Variants in CTTNBP2 observed in about 807,000 individuals in gnomAD.
CTTNBP2 encodes cortactin binding protein 2, also known as cortactin-binding protein 2.
CTTNBP2 carries 108 observed loss-of-function variants against 156.9 expected under a neutral mutation model. The ratio of observed to expected loss-of-function variants is 0.69; its 90% CI spans 0.59 to 0.81. The LOEUF (loss-of-function observed/expected upper bound fraction) is 0.81, where lower values mean the gene tolerates loss of function less well. CTTNBP2 is among the 30% of genes least tolerant of loss of function. CTTNBP2 has a pLI of 0.00. For synonymous variants in CTTNBP2, 767 were observed against 751.8 expected (o/e 1.02, Z -0.33); for missense variants, 1,924 against 2,035.4 (o/e 0.95, Z 1.05).
intron 3 of CTTNBP2, among the ~76,000 whole-genome samples, chr7:117,796,707 G>A (rs1322721305): frequency 6.6e-6 from 1 of 152,186 alleles, no homozygotes; most frequent in Non-Finnish European, 1.5e-5. Context: ...ATTTTAAAAT[G>A]TGTGTGTGAC....
Position 117,782,885 on chromosome 7 carries a change from A to G in CTTNBP2, c.2349T>C (p.Ala783=). Residue 783 remains alanine, a synonymous_variant, in exon 6 of 23, where the codon GCT becomes GCC. Coordinates refer to ENST00000160373, the MANE Select transcript of CTTNBP2 (RefSeq NM_033427.3). Reference sequence around the variant, plus strand: ...ACTCGAAATGTCCCTGAGCAGCTGCAGCACACAAGGGTGTGAAGCCATTTT... The same window carrying G: ...ACTCGAAATGTCCCTGAGCAGCTGCGGCACACAAGGGTGTGAAGCCATTTT... ...ADKNGFTPLC[A]AAAQGHFECV... The G allele has an allele frequency of 1.2e-6, 2 of 1,613,578 alleles. No homozygotes were observed. The highest frequency in any genetic ancestry group is 2.2e-5 in the East Asian group (1 of 44,884).
chr7:117,795,521 T>C (rs1158142502), intron 3 of CTTNBP2, among the ~76,000 whole-genome samples: 1 of 152,174 alleles, frequency 6.6e-6, no homozygotes, highest in African/African-American at 2.4e-5. Flanking sequence ...GCCATATTAG[T>C]GTTTTTCCTA....
At chr7:117,806,278 T>C (rs1395499764) in intron 3 of CTTNBP2, among the ~76,000 whole-genome samples, 1 of 152,040 alleles carries the variant, frequency 6.6e-6, no homozygotes, top group East Asian at 1.9e-4. Context: ...TTTTATAGAA[T>C]GAAAGGGAAA....
Position 117,711,477 on chromosome 7 carries a change from G to T in CTTNBP2, c.*60C>A. The T allele has an allele frequency of 6.6e-7, 1 of 1,515,572 alleles. No homozygotes were observed. The highest frequency in any genetic ancestry group is 8.9e-7 in the Non-Finnish European group (1 of 1,122,154). 93.9% of individuals were successfully genotyped at this position (1,515,572 alleles called of 1,614,324 possible). A position where few individuals can be genotyped will look rare whatever the true frequency, so the allele number is the denominator to read the frequency against. ...ATCAATTTAAAGGTATTTGTATCTTGTTGTCCTTGGTTTCTGTGTGAAATA... is the reference window on the plus strand; with the variant it reads ...ATCAATTTAAAGGTATTTGTATCTTTTTGTCCTTGGTTTCTGTGTGAAATA... On this transcript the variant is annotated 3_prime_UTR_variant, in exon 23 of 23. Transcript: ENST00000160373.
intron 2 of CTTNBP2, among the ~76,000 whole-genome samples, chr7:117,836,432 T>G (rs571931312): frequency 2.0e-5 from 3 of 151,944 alleles, no homozygotes; most frequent in Non-Finnish European, 4.4e-5. Context: ...GGCGTGGTGG[T>G]GGGCGCCTGT....
chr7:117,860,933 A>C (rs1803687682), intron 2 of CTTNBP2, among the ~76,000 whole-genome samples: 1 of 152,222 alleles, frequency 6.6e-6, no homozygotes, highest in Non-Finnish European at 1.5e-5. Context: ...CATGTGAAAC[A>C]TAAAAGGATT....
chr7:117,771,079 G>A lies in CTTNBP2; in HGVS notation c.2779-3903C>T, dbSNP rs138656397. Among the ~76,000 whole-genome samples, 348 of 152,292 alleles carry A rather than the reference G, an allele frequency of 2.3e-3. 2 individuals carry two copies. The highest frequency in any genetic ancestry group is 7.8e-3 in the African/African-American group (324 of 41,576). On this transcript the variant is annotated intron_variant, in intron 8 of 22. Coordinates refer to ENST00000160373, the MANE Select transcript of CTTNBP2 (RefSeq NM_033427.3). Reference sequence around the variant, plus strand: ...CCTGCAATGGGGACTGGAGAATGCTGTCTTTATGCTGGGTGCCCATGGGTC... The same window carrying A: ...CCTGCAATGGGGACTGGAGAATGCTATCTTTATGCTGGGTGCCCATGGGTC...
At chr7:117,782,262 A>T (rs1270321352) in intron 6 of CTTNBP2, among the ~76,000 whole-genome samples, 3 of 152,216 alleles carry the variant, frequency 2.0e-5, no homozygotes, top group African/African-American at 7.2e-5. Context: ...AATGTTAAAA[A>T]GTCATGCCTA....
chr7:117,765,756 C>A (rs1000796021), intron 9 of CTTNBP2, among the ~76,000 whole-genome samples: 1 of 152,148 alleles, frequency 6.6e-6, no homozygotes, highest in African/African-American at 2.4e-5. Flanking sequence ...TGTTTCCAGA[C>A]TCTCTATAGG....
intron 1 of CTTNBP2, among the ~76,000 whole-genome samples, chr7:117,862,325 C>T (rs1012093272): frequency 4.0e-5 from 6 of 150,706 alleles, no homozygotes; most frequent in East Asian, 2.0e-4. Context: ...GGTGGGGGGG[C>T]GGTGTGGTGG....
In CTTNBP2 at chr7:117,724,683, G is replaced by A. The variant is rs1267887888; in HGVS notation, c.4311C>T (p.Ser1437=). The stretch of plus-strand genomic sequence containing the variant: ...TACAAGTGTTATAACTGGAAACTAT[G>A]GATAAAGGGAAACTTCCTCCTTTGA... ...ADFKGGSFPL[S]IVSSYNTCNK... is the part of the protein sequence containing the mutation. Residue 1437 remains serine (S), a synonymous_variant, in exon 19 of 23, where the codon TCC becomes TCT. Coordinates refer to ENST00000160373, the MANE Select transcript of CTTNBP2 (RefSeq NM_033427.3). 3 of 1,614,138 alleles carry A rather than the reference G, an allele frequency of 1.9e-6. No homozygotes were observed. The highest frequency in any genetic ancestry group is 3.3e-5 in the Admixed American group (2 of 60,012).
At chr7:117,817,361 A>ATAAATATATATATATATATATATATATAT (rs1298639361) in intron 2 of CTTNBP2, among the ~76,000 whole-genome samples, 30 of 53,296 alleles carry the variant, frequency 5.6e-4, no homozygotes, top group Non-Finnish European at 6.8e-4. Flanking sequence ...AAAAAAAAAA[A>ATAAATATATATATATATATATATATATAT]ATATATATAT....
chr7:117,729,019 C>T (rs1795256331), intron 16 of CTTNBP2, among the ~76,000 whole-genome samples: 1 of 152,236 alleles, frequency 6.6e-6, no homozygotes, highest in African/African-American at 2.4e-5. Context: ...ATCTCCCCAG[C>T]TGCCTCATCA....
chr7:117,864,724 A>ATATT (rs759692246), intron 1 of CTTNBP2, among the ~76,000 whole-genome samples: 8 of 131,768 alleles, frequency 6.1e-5, no homozygotes, highest in Non-Finnish European at 9.9e-5. Flanking sequence ...ATTCATATAT[A>ATATT]CATATATTCA....
At chr7:117,801,380 A>G (rs541439566) in intron 3 of CTTNBP2, among the ~76,000 whole-genome samples, 15 of 152,338 alleles carry the variant, frequency 9.8e-5, no homozygotes, top group South Asian at 6.2e-4. Flanking sequence ...TTTACAAAAT[A>G]CCTAGCCCAT....
intron 2 of CTTNBP2, among the ~76,000 whole-genome samples, chr7:117,826,426 G>A (rs953819636): frequency 2.6e-5 from 4 of 152,170 alleles, no homozygotes; most frequent in African/African-American, 9.6e-5. Flanking sequence ...GTGTTCTAAA[G>A]CATCACATTT....
chr7:117,770,552 G>A (rs549364359), intron 8 of CTTNBP2, among the ~76,000 whole-genome samples: 8 of 152,324 alleles, frequency 5.3e-5, no homozygotes, highest in East Asian at 3.9e-4. Context: ...TTCAGTGTTC[G>A]TTTAGCCCTC....
intron 12 of CTTNBP2, among the ~76,000 whole-genome samples, chr7:117,754,832 A>G (rs1397407175): frequency 6.6e-6 from 1 of 152,254 alleles, no homozygotes; most frequent in Non-Finnish European, 1.5e-5. Context: ...AGACACATAT[A>G]TAAGTGTACT....
At position 117,710,830 on chromosome 7, in the gene CTTNBP2, T is replaced by C. The variant is rs566108255; in HGVS notation, c.*707A>G. On this transcript the variant is annotated 3_prime_UTR_variant, in exon 23 of 23. Coordinates refer to ENST00000160373, the MANE Select transcript of CTTNBP2 (RefSeq NM_033427.3). Reference sequence around the variant, plus strand: ...CATTTATGCAGTTATCTATATCCACTTAGGTACAAAACTTTTGTAAGAAAG... The same window carrying C: ...CATTTATGCAGTTATCTATATCCACCTAGGTACAAAACTTTTGTAAGAAAG... 1.3e-5 allele frequency: 2 copies of C among 152,696 alleles called. No individual in the cohort carries two copies. Among genetic ancestry groups the C allele is most frequent in the South Asian group, 4.1e-4 (2 of 4,832 alleles). 9.5% of individuals were successfully genotyped at this position (152,696 alleles called of 1,614,324 possible). A position where few individuals can be genotyped will look rare whatever the true frequency, so the allele number is the denominator to read the frequency against.
Sources: gnomAD v4.1 joint callset for allele counts (sites outside exome capture counted in the v4.1 genomes callset) on GRCh38, gnomAD v4.1.1 for gene constraint, MANE v1.5 for transcripts, NCBI Gene and HGNC (gene_info 2026-07-23, HGNC 2026-07-21) for gene names.